The following RGS6 variants were observed in gnomAD, a reference collection of about 807,000 sequenced individuals.
RGS6 encodes the protein regulator of G protein signaling 6.
RGS6 carries 30 observed loss-of-function variants against 78.5 expected under a neutral mutation model. The observed-to-expected ratio is 0.38, with a 90% CI of 0.29 to 0.52. The LOEUF is 0.52. Ranked by LOEUF, RGS6 falls within the 20% of genes least tolerant of loss-of-function variation. The pLI, the probability that RGS6 is intolerant of heterozygous loss-of-function variation, is 0.85. For synonymous variants in RGS6, 206 were observed against 206.0 expected (o/e 1.00, Z 0.00); for missense variants, 495 against 609.7 (o/e 0.81, Z 1.98).
At chr14:72,067,473 G>A (rs762045734) in intron 2 of RGS6, among the ~76,000 whole-genome samples, 10 of 152,214 alleles carry the variant, frequency 6.6e-5, no homozygotes, top group Non-Finnish European at 1.2e-4. Context: ...AGAACTTAAA[G>A]TAAAATTTAA....
At chr14:72,548,603 C>T (rs974675180) in intron 17 of RGS6, among the ~76,000 whole-genome samples, 5 of 152,010 alleles carry the variant, frequency 3.3e-5, no homozygotes, top group African/African-American at 1.2e-4. Flanking sequence ...GTTCTAAGCC[C>T]CCACATTATC....
rs148093990 is a variant in RGS6, at chr14:72,380,755, G to C, written c.184+28561G>C. 2.9e-3 allele frequency among the ~76,000 whole-genome samples: 438 copies of C among 152,196 alleles called. 2 individuals carry two copies. Among genetic ancestry groups the C allele is most frequent in the African/African-American group, 0.01 (419 of 41,558 alleles). On this transcript the variant is annotated intron_variant, in intron 3 of 17. Transcript: ENST00000553525. The stretch of plus-strand genomic sequence containing the variant: ...ACTAGTAGAGCCACTATGGAGAACA[G>C]TATGGAGGTTCCTCAAAACACTAAA...
intron 2 of RGS6, among the ~76,000 whole-genome samples, chr14:72,156,851 G>A (rs1431915732): frequency 6.6e-6 from 1 of 152,174 alleles, no homozygotes; most frequent in Non-Finnish European, 1.5e-5. Context: ...TCCAGAGCCT[G>A]CCTTCTGGTT....
At chr14:72,317,253 CAAT>C (rs763297275) in intron 2 of RGS6, among the ~76,000 whole-genome samples, 3 of 151,894 alleles carry the variant, frequency 2.0e-5, no homozygotes, top group Admixed American at 1.3e-4. Flanking sequence ...ATAATAATAA[CAAT>C]AATAATAATA....
At chr14:72,023,640 A>G (rs2089214062) in intron 2 of RGS6, among the ~76,000 whole-genome samples, 1 of 152,262 alleles carries the variant, frequency 6.6e-6, no homozygotes, top group Non-Finnish European at 1.5e-5. Context: ...AGAAATGTTC[A>G]GAGGCAGTTT....
At chr14:72,006,446 T>A (rs975956217) in intron 2 of RGS6, among the ~76,000 whole-genome samples, 1 of 152,240 alleles carries the variant, frequency 6.6e-6, no homozygotes, top group African/African-American at 2.4e-5. Flanking sequence ...CGTGTTGGGC[T>A]GTTTCTCTTG....
the RGS6 span, among the ~76,000 whole-genome samples, chr14:72,578,800 G>A: frequency 1.3e-5 from 2 of 152,224 alleles, no homozygotes; most frequent in Non-Finnish European, 2.9e-5. Flanking sequence ...TTGAGCTAAG[G>A]CTTAATGGGT....
At chr14:72,125,023 C>A (rs1170386179) in intron 2 of RGS6, among the ~76,000 whole-genome samples, 3 of 152,208 alleles carry the variant, frequency 2.0e-5, no homozygotes, top group Non-Finnish European at 4.4e-5. Flanking sequence ...TGCAAAGGTT[C>A]TCTTTCACTA....
Position 71,970,667 on chromosome 14 carries a change from A to C in RGS6, c.84+5792A>C, listed in dbSNP as rs202228050. On this transcript the variant is annotated intron_variant, in intron 2 of 17. Transcript: ENST00000553525. ...GCATGATGAGGATTAGAAACTGTCG[A>C]ATCAGGAAATACGTATTGAGTGTCA... Among the ~76,000 whole-genome samples the C allele has an allele frequency of 2.6e-5, 4 of 152,174 alleles. No individual in the cohort carries two copies. In the East Asian group the frequency reaches 7.7e-4, roughly 29 times the overall value.
At chr14:72,426,814 G>A (rs999770438) in intron 3 of RGS6, among the ~76,000 whole-genome samples, 1 of 152,194 alleles carries the variant, frequency 6.6e-6, no homozygotes, top group African/African-American at 2.4e-5. Context: ...AAGATGTCTG[G>A]AATAATATCT....
intron 2 of RGS6, among the ~76,000 whole-genome samples, chr14:72,036,265 G>A (rs541313933): frequency 1.7e-3 from 230 of 133,352 alleles, no homozygotes; most frequent in African/African-American, 8.1e-3. Flanking sequence ...AACATAACCC[G>A]TTTTGTTTTG....
chr14:72,402,790 GTTT>G (rs1167831473), intron 3 of RGS6, among the ~76,000 whole-genome samples: 94 of 75,786 alleles, frequency 1.2e-3, no homozygotes, highest in African/African-American at 4.9e-3. Context: ...TGTTTTTTTG[GTTT>G]TTTTTTTTTT....
chr14:72,580,826 G>C, the RGS6 span, among the ~76,000 whole-genome samples: 1 of 152,172 alleles, frequency 6.6e-6, no homozygotes, highest in African/African-American at 2.4e-5. Flanking sequence ...ACTTACCTGG[G>C]CCTCAGGAGT....
rs1007603325 is a variant in RGS6, at chr14:72,071,708, T to C, written c.84+106833T>C. On this transcript the variant is annotated intron_variant, in intron 2 of 17. Transcript: ENST00000553525. The stretch of plus-strand genomic sequence containing the variant: ...GTTTGTCTGGTCATTTAGGTACTTA[T>C]GCAATACTCTAGTAGACTCAGAATA... 7.2e-5 allele frequency among the ~76,000 whole-genome samples: 11 copies of C among 152,372 alleles called. No homozygotes were observed. The South Asian group carries it at 1.4e-3, about 20-fold the overall frequency.
At position 72,478,273 on chromosome 14, in the gene RGS6, AT is replaced by A. The variant is rs757289211; in HGVS notation, c.803del (p.Leu268Ter). The A allele has an allele frequency of 6.2e-6, 10 of 1,612,408 alleles. No homozygotes were observed. The highest frequency in any genetic ancestry group is 8.5e-6 in the Non-Finnish European group (10 of 1,178,666). On this transcript the variant is annotated frameshift_variant, in exon 12 of 18. Transcript: ENST00000553525. LOFTEE classifies it high-confidence loss of function. ...TGTGTTCTCTATTTTCCCAGATAAC[AT>A]TTTTGAACGCACAGATCGACAGACA... ...TKEDIRKQIT[F>X]LNAQIDRHCL...
chr14:72,273,381 C>A (rs1245902130), intron 2 of RGS6, among the ~76,000 whole-genome samples: 1 of 152,016 alleles, frequency 6.6e-6, no homozygotes, highest in East Asian at 1.9e-4. Flanking sequence ...CCTCTTCTTT[C>A]ATTTTTTTCC....
chr14:72,562,160 A>G (rs1461740562), intron 17 of RGS6, among the ~76,000 whole-genome samples: 1 of 152,140 alleles, frequency 6.6e-6, no homozygotes. Context: ...CCATACCACA[A>G]AAAGAGTACC....
chr14:71,919,575 T>C, the RGS6 span, among the ~76,000 whole-genome samples: 52,466 of 152,064 alleles, frequency 0.35, 10,590 homozygotes, highest in South Asian at 0.46. Context: ...TGAACGTCCA[T>C]AGACACTCCT....
chr14:72,244,925 A>G (rs2053844304), intron 2 of RGS6, among the ~76,000 whole-genome samples: 1 of 151,766 alleles, frequency 6.6e-6, no homozygotes, highest in South Asian at 2.1e-4. Flanking sequence ...CCTGGGTTCG[A>G]GTGATTCTCC....
Sources: gnomAD v4.1 joint callset for allele counts (sites outside exome capture counted in the v4.1 genomes callset) on GRCh38, gnomAD v4.1.1 for gene constraint, MANE v1.5 for transcripts, NCBI Gene and HGNC (gene_info 2026-07-23, HGNC 2026-07-21) for gene names.